Variants in SLCO1B1 observed in about 807,000 individuals in gnomAD.
SLCO1B1 encodes solute carrier organic anion transporter family member 1B1.
A neutral mutation model predicts 70.1 loss-of-function variants in SLCO1B1; 81 were observed. The ratio of observed to expected loss-of-function variants is 1.16; its 90% confidence interval spans 0.97 to 1.39. SLCO1B1 has a LOEUF of 1.39. SLCO1B1 is among the 40% of genes most tolerant of loss of function. SLCO1B1 has a pLI of 0.00. For synonymous variants in SLCO1B1, 283 were observed against 271.5 expected (o/e 1.04, Z -0.42); for missense variants, 895 against 799.6 (o/e 1.12, Z -1.44).
intron 7 of SLCO1B1, among the ~76,000 whole-genome samples, chr12:21,196,472 G>C (rs1479362675): frequency 4.6e-5 from 7 of 152,118 alleles, no homozygotes. Flanking sequence ...TGTCAGGAGA[G>C]TTGGAAATGC....
chr12:21,216,056 G>A (rs996124), intron 11 of SLCO1B1, among the ~76,000 whole-genome samples: 3,009 of 152,292 alleles, frequency 0.02, 94 homozygotes, highest in African/African-American at 0.069. Context: ...AAAAAGAATT[G>A]TGTCTACCAC....
At position 21,154,666 on chromosome 12, in the gene SLCO1B1, T is replaced by C. The variant is rs541272387; in HGVS notation, c.84+13008T>C. On this transcript the variant is annotated intron_variant, in intron 2 of 14. Coordinates refer to ENST00000256958, the MANE Select transcript of SLCO1B1 (RefSeq NM_006446.5). The stretch of plus-strand genomic sequence containing the variant: ...TTTACCTCCTTTCCTGTTTTTAGTT[T>C]TTTTTTAAGACATTGAGAAAATTTA... Among the ~76,000 whole-genome samples, 5 of 152,248 alleles carry C rather than the reference T, an allele frequency of 3.3e-5. No individual in the cohort carries two copies. In the East Asian group the frequency reaches 9.6e-4, roughly 29 times the overall value.
chr12:21,222,922 A>G (rs915693096), intron 13 of SLCO1B1, among the ~76,000 whole-genome samples: 2 of 152,144 alleles, frequency 1.3e-5, no homozygotes, highest in African/African-American at 2.4e-5. Context: ...TTAAAAAAGA[A>G]GAAATATAAA....
At chr12:21,224,205 G>T (rs973574119) in intron 13 of SLCO1B1, among the ~76,000 whole-genome samples, 1 of 151,854 alleles carries the variant, frequency 6.6e-6, no homozygotes, top group African/African-American at 2.4e-5. Flanking sequence ...AGCACTCTCT[G>T]AAGCTCAGCC....
At position 21,135,874 on chromosome 12, in the gene SLCO1B1, A is replaced by T. The variant is rs577898614; in HGVS notation, c.-62+4638A>T. On this transcript the variant is annotated intron_variant, in intron 1 of 14. Coordinates refer to ENST00000256958, the MANE Select transcript of SLCO1B1 (RefSeq NM_006446.5). ...TGTTATGTGTGAATTTGATCCTGTCATTGTGATGTTAGCTGGTTATTTTGC... is the reference window on the plus strand; with the variant it reads ...TGTTATGTGTGAATTTGATCCTGTCTTTGTGATGTTAGCTGGTTATTTTGC... Among the ~76,000 whole-genome samples, 1,134 of 152,256 alleles carry T rather than the reference A, an allele frequency of 7.4e-3. 22 individuals carry two copies. Among genetic ancestry groups the T allele is most frequent in the African/African-American group, 0.026 (1,079 of 41,552 alleles).
chr12:21,203,556 G>A (rs1481128001), intron 10 of SLCO1B1, among the ~76,000 whole-genome samples: 1 of 151,930 alleles, frequency 6.6e-6, no homozygotes, highest in Admixed American at 6.6e-5. Context: ...ATGAGGTGTT[G>A]GTTTTAACTT....
intron 12 of SLCO1B1, among the ~76,000 whole-genome samples, chr12:21,219,532 A>C (rs547366032): frequency 6.6e-6 from 1 of 152,208 alleles, no homozygotes; most frequent in Non-Finnish European, 1.5e-5. Context: ...AGGGGATTTA[A>C]GCATTAGTAT....
At chr12:21,192,171 G>C (rs1019351732) in intron 7 of SLCO1B1, among the ~76,000 whole-genome samples, 2 of 151,936 alleles carry the variant, frequency 1.3e-5, no homozygotes, top group Non-Finnish European at 2.9e-5. Flanking sequence ...TTTGGCAAGA[G>C]ATTGGAATGG....
At chr12:21,151,115 A>C (rs1308498841) in intron 2 of SLCO1B1, among the ~76,000 whole-genome samples, 1 of 152,194 alleles carries the variant, frequency 6.6e-6, no homozygotes, top group African/African-American at 2.4e-5. Context: ...TGATGCTACC[A>C]AAACCTGTAC....
intron 13 of SLCO1B1, among the ~76,000 whole-genome samples, chr12:21,222,986 T>C (rs978401684): frequency 6.6e-6 from 1 of 152,188 alleles, no homozygotes; most frequent in African/African-American, 2.4e-5. Flanking sequence ...TTTTCTTCCC[T>C]CCGTTCCGTT....
chr12:21,224,482 A>G (rs80042555), intron 13 of SLCO1B1, among the ~76,000 whole-genome samples: 1 of 152,286 alleles, frequency 6.6e-6, no homozygotes, highest in Non-Finnish European at 1.5e-5. Flanking sequence ...AGAACAGAGT[A>G]TATATGCATG....
intron 3 of SLCO1B1, among the ~76,000 whole-genome samples, chr12:21,173,103 A>G (rs994147261): frequency 1.2e-4 from 19 of 152,330 alleles, no homozygotes; most frequent in African/African-American, 4.1e-4. Context: ...AACTAACGCC[A>G]TGTCATACTT....
At chr12:21,223,903 A>G (rs1941457007) in intron 13 of SLCO1B1, among the ~76,000 whole-genome samples, 2 of 152,174 alleles carry the variant, frequency 1.3e-5, no homozygotes, top group South Asian at 4.1e-4. Flanking sequence ...ATGGACACTT[A>G]TTATATAAAC....
Position 21,178,808 on chromosome 12 carries a change from C to T in SLCO1B1, c.628+86C>T, listed in dbSNP as rs1170590264. ...TAGAGTTACTAAACTTATTATTTTA[C>T]CTATTAGAACATATATTTGGGTATA... On this transcript the variant is annotated intron_variant, in intron 6 of 14. Coordinates refer to ENST00000256958, the MANE Select transcript of SLCO1B1 (RefSeq NM_006446.5). 5 of 1,382,726 alleles carry T rather than the reference C, an allele frequency of 3.6e-6. No individual in the cohort carries two copies. In the Admixed American group the frequency reaches 8.5e-5, roughly 23 times the overall value. The allele number at this position is 1,382,726 out of a possible 1,614,324, so 85.7% of individuals were successfully genotyped here.
intron 12 of SLCO1B1, among the ~76,000 whole-genome samples, chr12:21,217,838 C>T (rs1253289714): frequency 6.6e-6 from 1 of 151,992 alleles, no homozygotes; most frequent in Non-Finnish European, 1.5e-5. Flanking sequence ...AGAAAAGATA[C>T]AATGCTTGGT....
intron 14 of SLCO1B1, among the ~76,000 whole-genome samples, chr12:21,238,248 T>C (rs1447546093): frequency 6.6e-6 from 1 of 152,156 alleles, no homozygotes; most frequent in Non-Finnish European, 1.5e-5. Flanking sequence ...TCAAAGGCAT[T>C]CTTTATTTCT....
intron 7 of SLCO1B1, among the ~76,000 whole-genome samples, chr12:21,184,853 G>C (rs2121118994): frequency 6.6e-6 from 1 of 152,214 alleles, no homozygotes; most frequent in East Asian, 1.9e-4. Context: ...GCCTTCTGTT[G>C]TCTTTAAAAG....
At position 21,165,216 on chromosome 12, in the gene SLCO1B1, A is replaced by G. The variant is rs116725287; in HGVS notation, c.85-7434A>G. 2.3e-3 allele frequency among the ~76,000 whole-genome samples: 351 copies of G among 152,260 alleles called. 2 individuals carry two copies. The highest frequency in any genetic ancestry group is 8.1e-3 in the African/African-American group (336 of 41,566). ...AGTAGAGACTTTATTTCTTATCTCA[A>G]TGTCAGTTGTCTCTTTCTGCCAATG... On this transcript the variant is annotated intron_variant, in intron 2 of 14. Coordinates refer to ENST00000256958, the MANE Select transcript of SLCO1B1 (RefSeq NM_006446.5).
chr12:21,133,136 T>C (rs907603866), intron 1 of SLCO1B1, among the ~76,000 whole-genome samples: 1 of 152,190 alleles, frequency 6.6e-6, no homozygotes, highest in Admixed American at 6.6e-5. Context: ...AAAGATCAGA[T>C]AGTTGTAGAT....
Sources: gnomAD v4.1 joint callset for allele counts (sites outside exome capture counted in the v4.1 genomes callset) on GRCh38, gnomAD v4.1.1 for gene constraint, MANE v1.5 for transcripts, NCBI Gene and HGNC (gene_info 2026-07-23, HGNC 2026-07-21) for gene names.